MTMR7: variants seen among roughly 807,000 people sequenced by gnomAD.
MTMR7 encodes phosphatidylinositol-3-phosphate phosphatase MTMR7.
A neutral mutation model predicts 81.2 loss-of-function variants in MTMR7; 76 were observed. That is an observed-to-expected ratio of 0.94 (90% CI 0.78 to 1.13). The LOEUF (loss-of-function observed/expected upper bound fraction) is 1.13, where lower values mean the gene tolerates loss of function less well. MTMR7 is among the 50% of genes most tolerant of loss of function. The pLI is 0.00. For missense variants in MTMR7, 1,044 were observed against 820.0 expected (o/e 1.27, Z -3.34); for synonymous variants, 372 against 289.8 (o/e 1.28, Z -2.88).
At chr8:17,313,243 A>T (rs754882179) in intron 8 of MTMR7, 49 bp downstream of exon 8, 1 of 1,384,678 alleles carries the variant, frequency 7.2e-7, no homozygotes, top group South Asian at 1.2e-5. Flanking sequence ...TTTTGAAGTC[A>T]GTGGTTTGCT....
chr8:17,311,075 C>T (rs925308486), intron 9 of MTMR7, among the ~76,000 whole-genome samples: 1 of 152,144 alleles, frequency 6.6e-6, no homozygotes, highest in Non-Finnish European at 1.5e-5. Context: ...AAAAAACATA[C>T]CCTGGAAGTG....
chr8:17,328,860 C>G lies in MTMR7; in HGVS notation c.865+2290G>C, dbSNP rs142073118. Reference sequence around the variant, plus strand: ...CTATGTGACTGAAAGGCATCATTTTCTCTCCTTACGAAATACAGATCCCAC... The same window carrying G: ...CTATGTGACTGAAAGGCATCATTTTGTCTCCTTACGAAATACAGATCCCAC... On this transcript the variant is annotated intron_variant, in intron 7 of 13. Coordinates refer to ENST00000180173, the MANE Select transcript of MTMR7 (RefSeq NM_004686.5). Among the ~76,000 whole-genome samples, 646 of 152,324 alleles carry G rather than the reference C, an allele frequency of 4.2e-3. 5 individuals are homozygous for G. The highest frequency in any genetic ancestry group is 0.015 in the African/African-American group (615 of 41,570).
In MTMR7 at chr8:17,297,497, C is replaced by T. The variant is rs1374249039; in HGVS notation, c.*2365G>A. 1 of 152,038 alleles carries T rather than the reference C, an allele frequency of 6.6e-6. No individual in the cohort carries two copies. Among genetic ancestry groups the T allele is most frequent in the Non-Finnish European group, 1.5e-5 (1 of 67,924 alleles). The allele number at this position is 152,038 out of a possible 1,614,324, so 9.4% of individuals were successfully genotyped here. A position where few individuals can be genotyped will look rare whatever the true frequency, so the allele number is the denominator to read the frequency against. The stretch of plus-strand genomic sequence containing the variant: ...CTATGGTTTCTGTCTCTGATCATCA[C>T]CTTCCATTCTATAAAAAGCTCAGTT... On this transcript the variant is annotated 3_prime_UTR_variant, in exon 14 of 14. Transcript: ENST00000180173.
chr8:17,364,051 A>T (rs1820143768), intron 3 of MTMR7, among the ~76,000 whole-genome samples: 1 of 102,588 alleles, frequency 9.7e-6, no homozygotes, highest in Admixed American at 1.4e-4. Context: ...TTTTTTTCAG[A>T]CGGAGTCTCG....
chr8:17,380,027 A>C (rs17124464), intron 1 of MTMR7, among the ~76,000 whole-genome samples: 9,134 of 152,232 alleles, frequency 0.06, 327 homozygotes, highest in Non-Finnish European at 0.071. Context: ...GTGCCACAAG[A>C]CAATGACACA....
At chr8:17,378,879 T>C (rs557976970) in intron 1 of MTMR7, among the ~76,000 whole-genome samples, 2 of 152,312 alleles carry the variant, frequency 1.3e-5, no homozygotes, top group Non-Finnish European at 2.9e-5. Flanking sequence ...TGAAATGTGA[T>C]AAATTTAGTC....
rs1194067052 is a variant in MTMR7 at position 17,341,414 on chromosome 8, C to A, written c.681G>T (p.Arg227Ser). The stretch of plus-strand genomic sequence containing the variant: ...CGAAGTCACTTCCTGGATTGGCTTT[C>A]CTAATGGCCTGGAGCATCTGCTCGT... ...LEDEQMLQAIRKANPGSDFVY... is the reference protein window; with the variant it reads ...LEDEQMLQAISKANPGSDFVY... The change falls in exon 6 of 14, where the codon AGG (arginine) becomes AGT (serine). Residue 227 changes from arginine to serine, a missense_variant. By Grantham distance (110) the Arg-to-Ser change is moderately radical. Transcript: ENST00000180173. 6.2e-7 allele frequency: 1 copy of A among 1,614,228 alleles called. No individual in the cohort carries two copies. The highest frequency in any genetic ancestry group is 1.7e-5 in the Admixed American group (1 of 60,032).
At chr8:17,340,771 C>A (rs1223380521) in intron 6 of MTMR7, among the ~76,000 whole-genome samples, 2 of 152,004 alleles carry the variant, frequency 1.3e-5, no homozygotes, top group African/African-American at 4.8e-5. Context: ...AGTAGAAAGC[C>A]CTCTACGTCC....
intron 4 of MTMR7, among the ~76,000 whole-genome samples, chr8:17,356,583 G>A (rs775069721): frequency 6.6e-6 from 1 of 151,924 alleles, no homozygotes; most frequent in Admixed American, 6.6e-5. Context: ...TTGTGGTGGT[G>A]GGTGTCTGTA....
At chr8:17,340,875 T>TA (rs1563346357) in intron 6 of MTMR7, among the ~76,000 whole-genome samples, 1 of 152,200 alleles carries the variant, frequency 6.6e-6, no homozygotes, top group Non-Finnish European at 1.5e-5. Context: ...TAGAACTTTT[T>TA]ATGAAAAAAA....
At position 17,305,755 on chromosome 8, in the gene MTMR7, A is replaced by G; in HGVS notation, c.1352+2T>C. 1 of 1,603,894 alleles carries G rather than the reference A, an allele frequency of 6.2e-7. No homozygotes were observed. The highest frequency in any genetic ancestry group is 1.7e-5 in the Admixed American group (1 of 59,780). Reference sequence around the variant, plus strand: ...AAACACCAAAAACACCAAAACACTTACTTGAGTTCTCGTCTCTCCTTTTGG... The same window carrying G: ...AAACACCAAAAACACCAAAACACTTGCTTGAGTTCTCGTCTCTCCTTTTGG... On this transcript the variant is annotated splice_donor_variant, in intron 11 of 13. Transcript: ENST00000180173. LOFTEE classifies it high-confidence loss of function.
At chr8:17,364,132 C>G (rs1191892132) in intron 3 of MTMR7, among the ~76,000 whole-genome samples, 1 of 150,280 alleles carries the variant, frequency 6.7e-6, no homozygotes, top group African/African-American at 2.4e-5. Flanking sequence ...CGGGTTCACG[C>G]CATTCTCCTG....
At chr8:17,408,575 TG>T (rs1354374829) in intron 1 of MTMR7, among the ~76,000 whole-genome samples, 1 of 151,974 alleles carries the variant, frequency 6.6e-6, no homozygotes. Context: ...TCCTGAGAGA[TG>T]GGGGCAAGTG....
chr8:17,389,309 T>G (rs1004418212), intron 1 of MTMR7, among the ~76,000 whole-genome samples: 4 of 152,192 alleles, frequency 2.6e-5, no homozygotes, highest in African/African-American at 9.7e-5. Context: ...CTCTAACCAT[T>G]ACCACAATCA....
intron 6 of MTMR7, among the ~76,000 whole-genome samples, chr8:17,336,230 C>G (rs1432779542): frequency 2.0e-5 from 3 of 152,112 alleles, no homozygotes; most frequent in African/African-American, 7.2e-5. Flanking sequence ...CCAGCACACC[C>G]ACCCCAGTCA....
chr8:17,360,403 T>C (rs1337658642), intron 4 of MTMR7, among the ~76,000 whole-genome samples: 1 of 151,834 alleles, frequency 6.6e-6, no homozygotes. Context: ...GTTATCAAAC[T>C]ATACAGATGA....
At position 17,306,767 on chromosome 8, in the gene MTMR7, A is replaced by G. The variant is rs138145422; in HGVS notation, c.1152-810T>C. On this transcript the variant is annotated intron_variant, in intron 10 of 13. Transcript: ENST00000180173. Reference sequence around the variant, plus strand: ...AGAGTGGGAACATTGGAAATTGTCTAGAAACTTCTCAGATGTTACAGTTTC... The same window carrying G: ...AGAGTGGGAACATTGGAAATTGTCTGGAAACTTCTCAGATGTTACAGTTTC... 8.7e-4 allele frequency among the ~76,000 whole-genome samples: 132 copies of G among 152,354 alleles called. 2 individuals are homozygous for G. Among genetic ancestry groups the G allele is most frequent in the African/African-American group, 3.1e-3 (131 of 41,594 alleles).
intron 4 of MTMR7, among the ~76,000 whole-genome samples, chr8:17,352,367 T>C (rs1011749028): frequency 1.3e-5 from 2 of 152,094 alleles, no homozygotes; most frequent in African/African-American, 2.4e-5. Context: ...CAACAGATGG[T>C]ACTGGGAAAA....
intron 5 of MTMR7, among the ~76,000 whole-genome samples, chr8:17,348,192 A>G (rs1415709864): frequency 6.6e-6 from 1 of 152,148 alleles, no homozygotes; most frequent in Non-Finnish European, 1.5e-5. Flanking sequence ...CATGCTCTCT[A>G]TAACCAAAGA....
Sources: allele counts gnomAD v4.1 joint callset (sites outside exome capture counted in the v4.1 genomes callset), GRCh38; gene constraint gnomAD v4.1.1; transcripts MANE v1.5; gene names NCBI Gene and HGNC (gene_info 2026-07-23, HGNC 2026-07-21).